Variants in PCDHA3 observed in about 807,000 individuals in gnomAD.
The protein encoded by PCDHA3 is protocadherin alpha 3.
A neutral mutation model predicts 62.2 loss-of-function variants in PCDHA3; 41 were observed. The ratio of observed to expected loss-of-function variants is 0.66; its 90% CI spans 0.51 to 0.86. PCDHA3 has a LOEUF of 0.86. Ranked by LOEUF, PCDHA3 falls within the 40% of genes least tolerant of loss-of-function variation. The pLI, the probability that PCDHA3 is intolerant of heterozygous loss-of-function variation, is 0.00. For synonymous variants in PCDHA3, 640 were observed against 555.4 expected (o/e 1.15, Z -2.14); for missense variants, 1,304 against 1,241.2 (o/e 1.05, Z -0.76).
intron 1 of PCDHA3, chr5:140,875,344 A>C: frequency 6.9e-7 from 1 of 1,442,996 alleles, no homozygotes; most frequent in Non-Finnish European, 9.1e-7. Flanking sequence ...TCGACTCCAT[A>C]ATGACTGTGA....
Position 140,836,307 on chromosome 5 carries a change from G to A in PCDHA3, c.2394+32716G>A, listed in dbSNP as rs148995786. 8.6e-5 allele frequency: 139 copies of A among 1,613,622 alleles called. 1 individual carries two copies. The highest frequency in any genetic ancestry group is 1.3e-4 in the Admixed American group (8 of 60,000). On this transcript the variant is annotated intron_variant, in intron 1 of 3. Coordinates refer to ENST00000522353, the MANE Select transcript of PCDHA3 (RefSeq NM_018906.3). ...GACACGAGCCCTAGATGAGACGGAC[G>A]CACCGCGCCACCGCCTTCTGGTGCT... is the stretch of plus-strand genomic sequence containing the variant.
rs2150134269 is a variant in PCDHA3, at chr5:140,824,393, A to T, written c.2394+20802A>T. On this transcript the variant is annotated intron_variant, in intron 1 of 3. Transcript: ENST00000522353. ...AATTTTGCATCTCTAAAAATGTAGG[A>T]TAATAATTGTAAGACATAGTTTGGA... 1.3e-5 allele frequency: 7 copies of T among 552,594 alleles called. No homozygotes were observed. The East Asian group carries it at 2.1e-4, about 17-fold the overall frequency. The allele number at this position is 552,594 out of a possible 1,614,324, so 34.2% of individuals were successfully genotyped here. A position where few individuals can be genotyped will look rare whatever the true frequency, so the allele number is the denominator to read the frequency against.
At chr5:140,857,602 G>A in intron 1 of PCDHA3, 2 of 1,596,382 alleles carry the variant, frequency 1.3e-6, no homozygotes, top group Non-Finnish European at 8.6e-7. Context: ...AGGTGTACGC[G>A]CTGCAGCCGC....
chr5:140,805,308 C>A, intron 1 of PCDHA3: 3 of 1,274,932 alleles, frequency 2.4e-6, no homozygotes, highest in East Asian at 3.4e-5. Context: ...ATTCTTCCTC[C>A]TTTTTTCCAA....
intron 1 of PCDHA3, chr5:140,875,900 C>G (rs1554168051): frequency 1.2e-6 from 2 of 1,614,174 alleles, no homozygotes; most frequent in South Asian, 2.2e-5. Flanking sequence ...GTACCTGTTT[C>G]TGAATCTGCG....
At chr5:140,867,519 G>T (rs1028879679) in intron 1 of PCDHA3, 3 of 152,018 alleles carry the variant, frequency 2.0e-5, no homozygotes, top group Admixed American at 1.3e-4. Context: ...CAAATTAATA[G>T]TTGAATATAT....
chr5:140,927,894 C>T (rs372774238), intron 1 of PCDHA3: 2 of 1,614,208 alleles, frequency 1.2e-6, no homozygotes, highest in South Asian at 2.2e-5. Context: ...CTGACGTGAA[C>T]GATCATGCCC....
chr5:140,872,165 C>CTT (rs781807025), intron 1 of PCDHA3, among the ~76,000 whole-genome samples: 18 of 144,352 alleles, frequency 1.2e-4, no homozygotes, highest in Non-Finnish European at 2.0e-4. Context: ...ATTTACTTTT[C>CTT]TTTTTTTTTT....
rs1462941214 is a variant in PCDHA3, at chr5:140,802,990, A to T, written c.1793A>T (p.Asp598Val). Residue 598 changes from aspartate to valine, a missense_variant, in exon 1 of 4, where the codon GAT (aspartate) becomes GTT (valine). Asp to Val is a radical substitution (Grantham distance 152, BLOSUM62 -3). Transcript: ENST00000522353. ...GHVVAKVRAV[D>V]ADSGYNAWLS... is the part of the protein sequence containing the mutation. ...GTGGTAGCGAAGGTGCGCGCAGTGG[A>T]TGCAGACTCAGGCTACAACGCGTGG... 4 of 1,614,012 alleles carry T rather than the reference A, an allele frequency of 2.5e-6. No homozygotes were observed. Among genetic ancestry groups the T allele is most frequent in the Non-Finnish European group, 3.4e-6 (4 of 1,179,934 alleles).
chr5:140,928,334 C>CT, intron 1 of PCDHA3: 1 of 1,614,158 alleles, frequency 6.2e-7, no homozygotes, highest in Non-Finnish European at 8.5e-7. Flanking sequence ...GGCCTTGTCT[C>CT]TTATGAGCTG....
chr5:140,816,086 G>T (rs1372705101), intron 1 of PCDHA3: 1 of 152,126 alleles, frequency 6.6e-6, no homozygotes, highest in African/African-American at 2.4e-5. Context: ...TAAAAAATAA[G>T]CTGTCTGTCC....
At chr5:140,830,548 A>G in intron 1 of PCDHA3, 1 of 1,123,746 alleles carries the variant, frequency 8.9e-7, no homozygotes, top group Non-Finnish European at 1.2e-6. Context: ...TTTTCCTCAT[A>G]TTTGTCTTCT....
chr5:140,941,202 C>CTTTCTTTCTTT (rs1554213921), intron 1 of PCDHA3, among the ~76,000 whole-genome samples: 2,980 of 122,772 alleles, frequency 0.024, 108 homozygotes, highest in East Asian at 0.062. Context: ...TTTCTTTCTT[C>CTTTCTTTCTTT]CTTTCTTTCT....
At chr5:140,882,698 G>T in intron 1 of PCDHA3, 1 of 1,614,200 alleles carries the variant, frequency 6.2e-7, no homozygotes, top group Non-Finnish European at 8.5e-7. Context: ...AATCATTGCA[G>T]AATCTAGACC....
chr5:140,901,953 G>T (rs545807968), intron 1 of PCDHA3, among the ~76,000 whole-genome samples: 1 of 151,712 alleles, frequency 6.6e-6, no homozygotes, highest in African/African-American at 2.4e-5. Flanking sequence ...AGTTTTATTC[G>T]TGGCTATCGT....
At chr5:140,853,918 C>T in intron 1 of PCDHA3, 3 of 938,954 alleles carry the variant, frequency 3.2e-6, no homozygotes, top group Non-Finnish European at 3.9e-6. Flanking sequence ...CCTGCAATCC[C>T]AACATTTTGG....
chr5:140,898,040 GT>G (rs1301370622), intron 1 of PCDHA3, among the ~76,000 whole-genome samples: 7 of 151,970 alleles, frequency 4.6e-5, no homozygotes, highest in Non-Finnish European at 8.8e-5. Flanking sequence ...GGGGTTGTTT[GT>G]TTTTTTCTTG....
chr5:140,892,580 A>G (rs1462175198), intron 1 of PCDHA3, among the ~76,000 whole-genome samples: 1 of 152,198 alleles, frequency 6.6e-6, no homozygotes, highest in African/African-American at 2.4e-5. Context: ...AGTATATCTC[A>G]GTATTCATTC....
rs2150263250 is a variant in PCDHA3 at position 140,836,539 on chromosome 5, C to A, written c.2394+32948C>A. On this transcript the variant is annotated intron_variant, in intron 1 of 3. Transcript: ENST00000522353. ...TTGGTGCTTACCCTGCTGCTGTACA[C>A]GGCGTTGCGGTGCTCAGCGCCGTCC... 8.1e-6 allele frequency: 13 copies of A among 1,613,680 alleles called. No individual in the cohort carries two copies. In the South Asian group the frequency reaches 1.1e-4, roughly 14 times the overall value.
Sources: allele counts gnomAD v4.1 joint callset (sites outside exome capture counted in the v4.1 genomes callset), GRCh38; gene constraint gnomAD v4.1.1; transcripts MANE v1.5; gene names NCBI Gene and HGNC (gene_info 2026-07-23, HGNC 2026-07-21).